Variants in SETD2 observed in about 807,000 individuals in gnomAD.
SETD2 encodes the protein histone-lysine N-methyltransferase SETD2.
SETD2 carries 31 observed loss-of-function variants against 242.1 expected under a neutral mutation model. The observed-to-expected ratio is 0.13, with a 90% CI of 0.10 to 0.17. The LOEUF (loss-of-function observed/expected upper bound fraction) is 0.17, where lower values mean the gene tolerates loss of function less well. Among genes scored for constraint, SETD2 ranks in the 10% least tolerant of loss-of-function variants. The pLI is 1.00. For missense variants in SETD2, 2,481 were observed against 3,046.3 expected, an observed-to-expected ratio of 0.81 and a Z score of 4.37; for synonymous variants, 1,006 against 1,066.5, an observed-to-expected ratio of 0.94 and a Z score of 1.11.
At chr3:47,154,790 G>A (rs544433268) in intron 1 of SETD2, among the ~76,000 whole-genome samples, 3 of 152,138 alleles carry the variant, frequency 2.0e-5, no homozygotes, top group East Asian at 1.9e-4. Flanking sequence ...TCAGGAGATC[G>A]AGACCATCCT....
chr3:47,052,897 T>C (rs2039911534), intron 15 of SETD2, among the ~76,000 whole-genome samples: 1 of 152,042 alleles, frequency 6.6e-6, no homozygotes, highest in African/African-American at 2.4e-5. Context: ...TGTGACTTTT[T>C]TTTATTTTTT....
At chr3:47,027,027 T>C (rs1410595821) in intron 18 of SETD2, among the ~76,000 whole-genome samples, 4 of 152,020 alleles carry the variant, frequency 2.6e-5, no homozygotes, top group Admixed American at 2.6e-4. Flanking sequence ...TTACATAAAA[T>C]GCCCACAAGA....
rs929464787 is a variant in SETD2 at position 47,023,908 on chromosome 3, C to T, written c.7351-4068G>A. On this transcript the variant is annotated intron_variant, in intron 18 of 20. Transcript: ENST00000409792. ...TCTTGAAATCAATCCCCTATGGATA[C>T]AGAGTGACAACTGTAATGTGTCTCA... Among the ~76,000 whole-genome samples, 13 of 152,304 alleles carry T rather than the reference C, an allele frequency of 8.5e-5. 1 individual carries two copies. The highest frequency in any genetic ancestry group is 7.8e-4 in the Admixed American group (12 of 15,304).
At chr3:47,025,079 G>A (rs1258312682) in intron 18 of SETD2, among the ~76,000 whole-genome samples, 1 of 152,164 alleles carries the variant, frequency 6.6e-6, no homozygotes, top group Admixed American at 6.5e-5. Flanking sequence ...TCTCCAACAA[G>A]CACCAATTTA....
intron 19 of SETD2, among the ~76,000 whole-genome samples, chr3:47,019,229 G>C (rs2038112383): frequency 6.6e-6 from 1 of 152,202 alleles, no homozygotes; most frequent in Admixed American, 6.5e-5. Context: ...TGGACTTTGA[G>C]CCAGAACGCC....
At position 47,120,997 on chromosome 3, in the gene SETD2, T is replaced by G. The variant is rs1449674315; in HGVS notation, c.3639A>C (p.Pro1213=). Residue 1213 remains proline (P), a synonymous_variant, in exon 3 of 21, where the codon CCA becomes CCC. Transcript: ENST00000409792. ...AAGTGGTCTGTTGCCAAGACTTATT[T>G]GGGACATCTTCAAAATCAGAAGAAT... ...PIYSSDFEDV[P]NKSWQQTTFQ... is the part of the protein sequence containing the mutation. The G allele has an allele frequency of 2.5e-6, 4 of 1,614,110 alleles. No individual in the cohort carries two copies. The African/African-American group carries it at 5.3e-5, about 22-fold the overall frequency.
chr3:47,023,356 T>A (rs1383563595), intron 18 of SETD2, among the ~76,000 whole-genome samples: 1 of 151,950 alleles, frequency 6.6e-6, no homozygotes, highest in African/African-American at 2.4e-5. Context: ...GCTGAGATCG[T>A]GCCACTGCAC....
At chr3:47,096,269 C>T (rs2042002598) in intron 9 of SETD2, among the ~76,000 whole-genome samples, 1 of 152,184 alleles carries the variant, frequency 6.6e-6, no homozygotes, top group Non-Finnish European at 1.5e-5. Context: ...ACTATAATCT[C>T]TCTGTGCCTT....
rs2106694269 is a variant in SETD2, at chr3:47,123,052, T to A, written c.1584A>T (p.Lys528Asn). 6.2e-7 allele frequency: 1 copy of A among 1,614,062 alleles called. No homozygotes were observed. The highest frequency in any genetic ancestry group is 8.5e-7 in the Non-Finnish European group (1 of 1,179,978). ...SKRTSENEAI[K>N]RCCSPPNELG... ...GTTCATTAGGGGGAGAACAACATCTTTTAATTGCTTCATTTTCTGAAGTCC... is the reference window on the plus strand; with the variant it reads ...GTTCATTAGGGGGAGAACAACATCTATTAATTGCTTCATTTTCTGAAGTCC... The change falls in exon 3 of 21, where the codon AAA becomes AAT. Residue 528 changes from lysine (K) to asparagine (N), a missense_variant. Transcript: ENST00000409792.
At position 47,045,572 on chromosome 3, in the gene SETD2, C is replaced by A. The variant is rs1381639938; in HGVS notation, c.7098+915G>T. On this transcript the variant is annotated intron_variant, in intron 16 of 20. Coordinates refer to ENST00000409792, the MANE Select transcript of SETD2 (RefSeq NM_014159.7). ...AATTAGCTGGGTGCAGTGATGCACA[C>A]CTGTAGTCCCAGCTACTCAGGAGGC... 2.0e-5 allele frequency among the ~76,000 whole-genome samples: 3 copies of A among 147,210 alleles called. No homozygotes were observed. In the East Asian group the frequency reaches 6.1e-4, roughly 30 times the overall value.
chr3:47,106,234 G>T, intron 5 of SETD2, 114 bp from the exon 6 acceptor site: 1 of 895,334 alleles, frequency 1.1e-6, no homozygotes, highest in South Asian at 2.2e-5. Flanking sequence ...GATAAATTCA[G>T]TTATTACACA....
rs2043058188 is a variant in SETD2 at position 47,120,981 on chromosome 3, G to C, written c.3655C>G (p.Gln1219Glu). The change falls in exon 3 of 21, where the codon CAG (glutamine) becomes GAG (glutamate). Residue 1219 changes from glutamine (Q) to glutamate (E), a missense_variant. Transcript: ENST00000409792. ...FEDVPNKSWQQTTFQNRPDSR... is the reference protein window; with the variant it reads ...FEDVPNKSWQETTFQNRPDSR... ...TCTGGCCTGTTTTGGAAAGTGGTCT[G>C]TTGCCAAGACTTATTTGGGACATCT... 6.2e-7 allele frequency: 1 copy of C among 1,614,178 alleles called. No homozygotes were observed. Among genetic ancestry groups the C allele is most frequent in the Non-Finnish European group, 8.5e-7 (1 of 1,180,016 alleles).
intron 1 of SETD2, among the ~76,000 whole-genome samples, chr3:47,158,585 GCTTA>G (rs1329010361): frequency 6.6e-6 from 1 of 151,920 alleles, no homozygotes. Context: ...CTTTTCTCTA[GCTTA>G]CTTTCTTGTA....
intron 9 of SETD2, among the ~76,000 whole-genome samples, chr3:47,096,926 C>CT (rs976750341): frequency 1.2e-4 from 18 of 151,996 alleles, no homozygotes; most frequent in African/African-American, 2.2e-4. Context: ...CTTTCCAATG[C>CT]TTTTTTTAAC....
At chr3:47,087,988 C>CAAAT (rs2041636746) in intron 10 of SETD2, 125 bp downstream of exon 10, 1 of 1,023,690 alleles carries the variant, frequency 9.8e-7, no homozygotes, top group African/African-American at 1.7e-5. Context: ...AACAAACAAA[C>CAAAT]AAACAAATAA....
In SETD2 at chr3:47,075,564, CAAAAAAA is replaced by C. The variant is rs55635941; in HGVS notation, c.6060+8149_6060+8155del. On this transcript the variant is annotated intron_variant, in intron 12 of 20. Coordinates refer to ENST00000409792, the MANE Select transcript of SETD2 (RefSeq NM_014159.7). ...GGGCAACAAAATCAAAACTCCGTCTCAAAAAAAAAAAAAAAAAAAAAAAAGAAGAATC... is the reference window on the plus strand; with the variant it reads ...GGGCAACAAAATCAAAACTCCGTCTCAAAAAAAAAAAAAAAAAGAAGAATC... Among the ~76,000 whole-genome samples, 12 of 76,436 alleles carry C rather than the reference CAAAAAAA, an allele frequency of 1.6e-4. No individual in the cohort carries two copies. The East Asian group carries it at 2.2e-3, about 14-fold the overall frequency. The allele number at this position is 76,436 out of a possible 152,430, so 50.1% of individuals were successfully genotyped here. A position where few individuals can be genotyped will look rare whatever the true frequency, so the allele number is the denominator to read the frequency against.
intron 15 of SETD2, among the ~76,000 whole-genome samples, chr3:47,054,903 A>G (rs754686134): frequency 6.6e-6 from 1 of 152,238 alleles, no homozygotes; most frequent in Non-Finnish European, 1.5e-5. Flanking sequence ...ATAGTATAAT[A>G]GTAAATAATT....
chr3:47,086,812 C>A (rs1197217370), intron 10 of SETD2, among the ~76,000 whole-genome samples: 2 of 151,414 alleles, frequency 1.3e-5, no homozygotes, highest in African/African-American at 4.9e-5. Context: ...GAGGGAGGGA[C>A]TGGTTGAGGC....
chr3:47,143,153 C>T (rs1430128066), intron 1 of SETD2, among the ~76,000 whole-genome samples: 1 of 151,908 alleles, frequency 6.6e-6, no homozygotes, highest in Non-Finnish European at 1.5e-5. Flanking sequence ...ATTAGCCAGG[C>T]GTTGGTGATG....
Sources: gnomAD v4.1 joint callset for allele counts (sites outside exome capture counted in the v4.1 genomes callset) on GRCh38, gnomAD v4.1.1 for gene constraint, MANE v1.5 for transcripts, NCBI Gene and HGNC (gene_info 2026-07-23, HGNC 2026-07-21) for gene names.